The following CCDC93 variants were observed in gnomAD, a reference collection of about 807,000 sequenced individuals.
CCDC93 encodes the protein CCC complex scaffolding subunit CCDC93.
CCDC93 carries 61 observed loss-of-function variants against 108.2 expected under a neutral mutation model. The ratio of observed to expected loss-of-function variants is 0.56; its 90% CI spans 0.46 to 0.70. The LOEUF (loss-of-function observed/expected upper bound fraction) is 0.70, where lower values mean the gene tolerates loss of function less well. Among genes scored for constraint, CCDC93 ranks in the 30% least tolerant of loss-of-function variants. The probability of loss-of-function intolerance (pLI) is 0.00; values close to 1 mark genes in which losing one functional copy is unlikely to be tolerated. For synonymous variants in CCDC93, 276 were observed against 260.4 expected, an observed-to-expected ratio of 1.06 and a Z score of -0.58; for missense variants, 685 against 764.2, an observed-to-expected ratio of 0.90 and a Z score of 1.22.
intron 23 of CCDC93, among the ~76,000 whole-genome samples, chr2:117,920,824 A>G (rs1253760039): frequency 1.3e-5 from 2 of 152,208 alleles, no homozygotes; most frequent in Non-Finnish European, 2.9e-5. Context: ...ATAGAGTTCT[A>G]ACAGTGAAAG....
At chr2:117,960,339 C>T (rs766606572) in intron 11 of CCDC93, among the ~76,000 whole-genome samples, 1 of 152,180 alleles carries the variant, frequency 6.6e-6, no homozygotes, top group African/African-American at 2.4e-5. Context: ...GAGACTGAGA[C>T]GTGGGCAGGC....
At position 117,985,581 on chromosome 2, in the gene CCDC93, C is replaced by T. The variant is rs1213013422; in HGVS notation, c.620+388G>A. On this transcript the variant is annotated intron_variant, in intron 7 of 23. Coordinates refer to ENST00000376300, the MANE Select transcript of CCDC93 (RefSeq NM_019044.5). ...GAAGTGACAAAACTACTTCTAAGTTCTTCATTTTCCTAGTTAGGACAATAT... is the reference window on the plus strand; with the variant it reads ...GAAGTGACAAAACTACTTCTAAGTTTTTCATTTTCCTAGTTAGGACAATAT... 17 of 167,044 alleles carry T rather than the reference C, an allele frequency of 1.0e-4. No homozygotes were observed. The Admixed American group carries it at 1.1e-3, about 10-fold the overall frequency. 10.3% of individuals were successfully genotyped at this position (167,044 alleles called of 1,614,324 possible).
At chr2:117,924,423 G>C (rs1316170031) in intron 23 of CCDC93, among the ~76,000 whole-genome samples, 1 of 152,166 alleles carries the variant, frequency 6.6e-6, no homozygotes, top group African/African-American at 2.4e-5. Context: ...CCAATGCAGA[G>C]AAGTCCTTAA....
intron 1 of CCDC93, among the ~76,000 whole-genome samples, chr2:118,010,416 T>C (rs1676993110): frequency 6.6e-6 from 1 of 152,256 alleles, no homozygotes. Context: ...TAAAAAACCA[T>C]CTCTCTATAT....
chr2:117,986,395 T>C (rs1361749186), intron 6 of CCDC93, among the ~76,000 whole-genome samples: 2 of 152,154 alleles, frequency 1.3e-5, no homozygotes, highest in South Asian at 2.1e-4. Flanking sequence ...CCCAAATCAA[T>C]GTCCTTCTTG....
At chr2:118,006,632 TAA>T in intron 3 of CCDC93, 88 bp downstream of exon 3, 1 of 743,186 alleles carries the variant, frequency 1.3e-6, no homozygotes, top group East Asian at 2.6e-5. Flanking sequence ...ATAAACTATG[TAA>T]AGTGTCCAAC....
chr2:117,950,098 G>A (rs3755496), intron 13 of CCDC93: 82 of 985,348 alleles, frequency 8.3e-5, no homozygotes, highest in African/African-American at 1.0e-4. Context: ...AGTTACTACC[G>A]GCTGATCTCA....
chr2:117,961,050 G>A (rs1391258578), intron 11 of CCDC93, among the ~76,000 whole-genome samples: 2 of 152,074 alleles, frequency 1.3e-5, no homozygotes, highest in African/African-American at 4.8e-5. Flanking sequence ...GTTGAGAACT[G>A]CTACTTTAAT....
rs980188357 is a variant in CCDC93, at chr2:117,944,826, G to A, written c.1350+703C>T. On this transcript the variant is annotated intron_variant, in intron 17 of 23. Transcript: ENST00000376300. ...GGAGATTACGAGGGTACAAAGGGAA[G>A]AGGAACCCTTAAAGAAGGCAGATGC... 13 of 470,896 alleles carry A rather than the reference G, an allele frequency of 2.8e-5. No homozygotes were observed. In the East Asian group the frequency reaches 9.0e-4, roughly 33 times the overall value. 29.2% of individuals were successfully genotyped at this position (470,896 alleles called of 1,614,324 possible).
intron 13 of CCDC93, among the ~76,000 whole-genome samples, chr2:117,952,155 G>A (rs895030742): frequency 2.0e-5 from 3 of 151,762 alleles, no homozygotes; most frequent in Non-Finnish European, 4.4e-5. Context: ...CTCCCACCAA[G>A]ACCACTAAGG....
At chr2:118,006,213 G>A (rs956989730) in intron 3 of CCDC93, among the ~76,000 whole-genome samples, 1 of 152,140 alleles carries the variant, frequency 6.6e-6, no homozygotes, top group Admixed American at 6.5e-5. Flanking sequence ...ACGGATAAAA[G>A]AACTGAGGCC....
chr2:118,007,051 A>C (rs1676892540), intron 2 of CCDC93, among the ~76,000 whole-genome samples: 1 of 152,218 alleles, frequency 6.6e-6, no homozygotes, highest in South Asian at 2.1e-4. Flanking sequence ...TGCAAGGACA[A>C]GTACAGTAGC....
chr2:117,970,116 A>G (rs1679715659), intron 11 of CCDC93, among the ~76,000 whole-genome samples: 1 of 152,254 alleles, frequency 6.6e-6, no homozygotes, highest in Admixed American at 6.5e-5. Context: ...AAACAAATCA[A>G]GCAAATAACA....
intron 13 of CCDC93, chr2:117,949,985 C>T: frequency 1.0e-6 from 1 of 985,450 alleles, no homozygotes; most frequent in Non-Finnish European, 1.2e-6. Context: ...AAACCTGACT[C>T]TCTTAAACAC....
intron 23 of CCDC93, among the ~76,000 whole-genome samples, chr2:117,928,821 T>C (rs1456123367): frequency 6.6e-6 from 1 of 152,210 alleles, no homozygotes; most frequent in Non-Finnish European, 1.5e-5. Flanking sequence ...GTATGTTTAT[T>C]GCAGCACTAT....
chr2:117,993,166 G>A (rs562919511), intron 6 of CCDC93, among the ~76,000 whole-genome samples: 4 of 152,176 alleles, frequency 2.6e-5, no homozygotes, highest in Non-Finnish European at 5.9e-5. Context: ...GGAGGCCGAG[G>A]TGGGCGGACC....
chr2:117,952,014 T>A (rs565289194), intron 13 of CCDC93, among the ~76,000 whole-genome samples: 1 of 152,090 alleles, frequency 6.6e-6, no homozygotes, highest in African/African-American at 2.4e-5. Flanking sequence ...AGAGTTACTA[T>A]ACAAGCTGCT....
At chr2:118,001,592 C>T (rs1324157432) in intron 3 of CCDC93, among the ~76,000 whole-genome samples, 1 of 152,208 alleles carries the variant, frequency 6.6e-6, no homozygotes, top group Non-Finnish European at 1.5e-5. Context: ...ACCGACCTTT[C>T]TCTAACACCT....
chr2:117,933,049 T>C (rs946412531), intron 22 of CCDC93, among the ~76,000 whole-genome samples: 2 of 152,214 alleles, frequency 1.3e-5, no homozygotes, highest in African/African-American at 4.8e-5. Flanking sequence ...AACCTAGAAA[T>C]AGTATGAGCT....
Sources: allele counts gnomAD v4.1 joint callset (sites outside exome capture counted in the v4.1 genomes callset), GRCh38; gene constraint gnomAD v4.1.1; transcripts MANE v1.5; gene names NCBI Gene and HGNC (gene_info 2026-07-23, HGNC 2026-07-21).